Variants in UBE2G1 observed in about 807,000 individuals in gnomAD.
UBE2G1 encodes the protein ubiquitin conjugating enzyme E2 G1.
Under a neutral mutation model 22.7 loss-of-function variants are expected in UBE2G1, and 5 were observed. The observed-to-expected ratio is 0.22, with a 90% CI of 0.12 to 0.46. The LOEUF (loss-of-function observed/expected upper bound fraction) is 0.46. Among genes scored for constraint, UBE2G1 ranks in the 20% least tolerant of loss-of-function variants. The pLI is 0.99. For missense variants in UBE2G1, 88 were observed against 203.9 expected (o/e 0.43, Z 3.46); for synonymous variants, 74 against 67.5 (o/e 1.10, Z -0.47).
intron 2 of UBE2G1, chr17:4,301,539 CTA>C: frequency 7.7e-7 from 1 of 1,303,868 alleles, no homozygotes; most frequent in African/African-American, 1.5e-5. Context: ...ATTCATGCTG[CTA>C]TATGCCTGGT....
At chr17:4,298,059 T>G (rs1969131518) in intron 2 of UBE2G1, among the ~76,000 whole-genome samples, 1 of 152,254 alleles carries the variant, frequency 6.6e-6, no homozygotes. Context: ...GGAAAATATC[T>G]ACCAAGAAAA....
rs71144177 is a variant in UBE2G1, at chr17:4,279,785, T to TTATA, written c.*37+3009_*37+3012dup. On this transcript the variant is annotated intron_variant, in intron 5 of 5. Transcript: ENST00000396981. Reference sequence around the variant, plus strand: ...GCGAAACTCTGCCCCCAAAAAAAAGTTATATATATATATATATATATATAT... The same window carrying TTATA: ...GCGAAACTCTGCCCCCAAAAAAAAGTTATATATATATATATATATATATATATAT... Among the ~76,000 whole-genome samples, 149 of 68,700 alleles carry TTATA rather than the reference T, an allele frequency of 2.2e-3. 1 individual carries two copies. The highest frequency in any genetic ancestry group is 8.9e-3 in the Middle Eastern group (1 of 112). The allele number at this position is 68,700 out of a possible 152,430, so 45.1% of individuals were successfully genotyped here. A position where few individuals can be genotyped will look rare whatever the true frequency, so the allele number is the denominator to read the frequency against.
intron 5 of UBE2G1, among the ~76,000 whole-genome samples, chr17:4,273,910 TAA>T (rs1291695087): frequency 5.3e-5 from 8 of 152,112 alleles, no homozygotes; most frequent in African/African-American, 2.4e-5. Context: ...CAAATATACC[TAA>T]AGAGTTATGA....
At chr17:4,276,379 A>C (rs1315183862) in intron 5 of UBE2G1, among the ~76,000 whole-genome samples, 1 of 151,384 alleles carries the variant, frequency 6.6e-6, no homozygotes, top group Non-Finnish European at 1.5e-5. Flanking sequence ...CGGTTTTGCC[A>C]TGTTGGTCTC....
intron 3 of UBE2G1, among the ~76,000 whole-genome samples, chr17:4,294,984 G>C (rs1193622824): frequency 6.6e-6 from 1 of 151,944 alleles, no homozygotes; most frequent in Non-Finnish European, 1.5e-5. Flanking sequence ...AGGAGGGGCA[G>C]AGTGGGGGAA....
chr17:4,343,611 C>T (rs973649487), intron 1 of UBE2G1, among the ~76,000 whole-genome samples: 10 of 150,288 alleles, frequency 6.7e-5, no homozygotes, highest in African/African-American at 1.5e-4. Flanking sequence ...TTTTTTGAGA[C>T]GGAGTCTCGC....
At chr17:4,294,330 C>T (rs1023956476) in intron 3 of UBE2G1, among the ~76,000 whole-genome samples, 2 of 150,058 alleles carry the variant, frequency 1.3e-5, no homozygotes, top group African/African-American at 5.0e-5. Context: ...GCAAGAGAAT[C>T]GTTTGAACCC....
In UBE2G1 at chr17:4,343,269, T is replaced by C. The variant is rs77166164; in HGVS notation, c.46+23002A>G. Among the ~76,000 whole-genome samples the C allele has an allele frequency of 6.3e-3, 964 of 152,302 alleles. 9 individuals carry two copies. The highest frequency in any genetic ancestry group is 0.022 in the African/African-American group (930 of 41,572). On this transcript the variant is annotated intron_variant, in intron 1 of 5. Transcript: ENST00000396981. ...ATAAGGTAATTTTTACATGATCCTATGGCTTAAAGGCTCTAAAAGTTTATA... is the reference window on the plus strand; with the variant it reads ...ATAAGGTAATTTTTACATGATCCTACGGCTTAAAGGCTCTAAAAGTTTATA...
At chr17:4,337,319 T>TAAAAAAAAAAAAAAAAAAAAAAAA in intron 1 of UBE2G1, among the ~76,000 whole-genome samples, 1 of 69,446 alleles carries the variant, frequency 1.4e-5, no homozygotes, top group Admixed American at 1.8e-4. Flanking sequence ...CTAATCTGTG[T>TAAAAAAAAAAAAAAAAAAAAAAAA]AAAAAAAAAA....
intron 1 of UBE2G1, among the ~76,000 whole-genome samples, chr17:4,365,364 GCA>G (rs1015699241): frequency 9.2e-5 from 14 of 152,152 alleles, no homozygotes; most frequent in Non-Finnish European, 1.6e-4. Flanking sequence ...CATGCTCCGC[GCA>G]CACAGTCCTA....
rs558475059 is a variant in UBE2G1, at chr17:4,288,441, T to C, written c.426+789A>G. Among the ~76,000 whole-genome samples, 11 of 152,258 alleles carry C rather than the reference T, an allele frequency of 7.2e-5. No homozygotes were observed. In the East Asian group the frequency reaches 1.5e-3, roughly 21 times the overall value. ...CGGGGTTTCACCGTGTTAGCCAGGATGGTCTCAATCTCCTGACCTCGTGAT... is the reference window on the plus strand; with the variant it reads ...CGGGGTTTCACCGTGTTAGCCAGGACGGTCTCAATCTCCTGACCTCGTGAT... On this transcript the variant is annotated intron_variant, in intron 4 of 5. Transcript: ENST00000396981.
chr17:4,313,632 T>TCC (rs1969335853), intron 1 of UBE2G1, among the ~76,000 whole-genome samples: 1 of 152,178 alleles, frequency 6.6e-6, no homozygotes. Flanking sequence ...TATTTCTCTC[T>TCC]CTCTCTCTCT....
chr17:4,310,210 A>G (rs1235349576), intron 1 of UBE2G1, among the ~76,000 whole-genome samples: 1 of 152,138 alleles, frequency 6.6e-6, no homozygotes, highest in African/African-American at 2.4e-5. Context: ...TAATTTATCA[A>G]ATAATCTTTT....
At chr17:4,302,044 AAAAGGGGGGGG>A in intron 2 of UBE2G1, 1 of 497,788 alleles carries the variant, frequency 2.0e-6, no homozygotes, top group Admixed American at 2.2e-5. Context: ...CAACAACAAA[AAAAGGGGGGGG>A]AAGTTTTTAC....
chr17:4,296,198 G>A (rs189937461), intron 3 of UBE2G1, among the ~76,000 whole-genome samples: 104 of 151,852 alleles, frequency 6.8e-4, no homozygotes, highest in Admixed American at 2.4e-3. Context: ...TTTAAAACAC[G>A]AGTCTCAAAC....
chr17:4,366,596 C>A lies in UBE2G1; in HGVS notation c.-280G>T, dbSNP rs1287097921. On this transcript the variant is annotated 5_prime_UTR_variant, in exon 1 of 6. Coordinates refer to ENST00000396981, the MANE Select transcript of UBE2G1 (RefSeq NM_003342.5). ...GCTCGCCCGCTTCCCTCCTTCAACC[C>A]GCCCGTCGGCCCCACCGGTGCCTTC... The A allele has an allele frequency of 1.2e-5, 4 of 343,136 alleles. No individual in the cohort carries two copies. The highest frequency in any genetic ancestry group is 1.6e-5 in the Non-Finnish European group (3 of 188,466). The allele number at this position is 343,136 out of a possible 1,614,324, so 21.3% of individuals were successfully genotyped here.
At chr17:4,344,295 CTT>C (rs1304470900) in intron 1 of UBE2G1, among the ~76,000 whole-genome samples, 1 of 152,158 alleles carries the variant, frequency 6.6e-6, no homozygotes, top group South Asian at 2.1e-4. Flanking sequence ...AATCCCAGCA[CTT>C]TGGGAGGCCG....
At chr17:4,289,757 G>T (rs1969011870) in intron 3 of UBE2G1, among the ~76,000 whole-genome samples, 1 of 152,152 alleles carries the variant, frequency 6.6e-6, no homozygotes, top group Admixed American at 6.6e-5. Flanking sequence ...TTCATTTGCA[G>T]AAAGCATATT....
At chr17:4,293,565 T>C (rs1464361426) in intron 3 of UBE2G1, among the ~76,000 whole-genome samples, 1 of 152,186 alleles carries the variant, frequency 6.6e-6, no homozygotes, top group Non-Finnish European at 1.5e-5. Flanking sequence ...GGTCCTATGG[T>C]AACTATGCTT....
Sources: allele counts gnomAD v4.1 joint callset (sites outside exome capture counted in the v4.1 genomes callset), GRCh38; gene constraint gnomAD v4.1.1; transcripts MANE v1.5; gene names NCBI Gene and HGNC (gene_info 2026-07-23, HGNC 2026-07-21).